Variants in ADAMTS17 observed in about 807,000 individuals in gnomAD.
The protein encoded by ADAMTS17 is A disintegrin and metalloproteinase with thrombospondin motifs 17.
A neutral mutation model predicts 141.5 loss-of-function variants in ADAMTS17; 113 were observed. The ratio of observed to expected loss-of-function variants is 0.80; its 90% CI spans 0.69 to 0.93. ADAMTS17 has a LOEUF of 0.93. Ranked by LOEUF, ADAMTS17 falls within the 40% of genes least tolerant of loss-of-function variation. The probability of loss-of-function intolerance (pLI) is 0.00; values close to 1 mark genes in which losing one functional copy is unlikely to be tolerated. For missense variants in ADAMTS17, 1,659 were observed against 1,517.9 expected (o/e 1.09, Z -1.54); for synonymous variants, 768 against 630.6 (o/e 1.22, Z -3.27).
chr15:100,241,426 T>C (rs911271391), intron 7 of ADAMTS17, among the ~76,000 whole-genome samples: 4 of 152,212 alleles, frequency 2.6e-5, no homozygotes, highest in African/African-American at 7.2e-5. Flanking sequence ...GGGCAGGATC[T>C]TGTAGAAACA....
At chr15:100,271,742 C>T (rs1409257282) in intron 4 of ADAMTS17, among the ~76,000 whole-genome samples, 3 of 152,090 alleles carry the variant, frequency 2.0e-5, no homozygotes, top group South Asian at 2.1e-4. Context: ...TTGATGAATT[C>T]CAATTTGTCT....
chr15:100,216,263 C>A (rs1476373619), intron 7 of ADAMTS17, among the ~76,000 whole-genome samples: 1 of 152,220 alleles, frequency 6.6e-6, no homozygotes. Flanking sequence ...ATTAGTTTGA[C>A]CAAGTCCAAA....
chr15:100,292,196 AATCACGAGACACGCTCACCCCG>A (rs2044655597), intron 3 of ADAMTS17, among the ~76,000 whole-genome samples: 1 of 149,152 alleles, frequency 6.7e-6, no homozygotes, highest in Admixed American at 6.6e-5. Flanking sequence ...CCCCGTGGGG[AATCACGAGACACGCTCACCCCG>A]TGGGGAATCA....
intron 8 of ADAMTS17, among the ~76,000 whole-genome samples, chr15:100,190,623 G>A (rs1480942187): frequency 6.6e-6 from 1 of 152,208 alleles, no homozygotes. Context: ...GGGCAGGTCT[G>A]GAGAAGTCAG....
intron 8 of ADAMTS17, among the ~76,000 whole-genome samples, chr15:100,189,305 G>A (rs543434857): frequency 3.3e-5 from 5 of 152,348 alleles, no homozygotes; most frequent in African/African-American, 7.2e-5. Flanking sequence ...ACTGGGGGAC[G>A]GTATATGGAG....
intron 3 of ADAMTS17, among the ~76,000 whole-genome samples, chr15:100,289,715 G>A (rs1437019405): frequency 6.6e-6 from 1 of 152,144 alleles, no homozygotes; most frequent in Admixed American, 6.5e-5. Flanking sequence ...TTCAACATAT[G>A]CAAATCAATA....
At chr15:100,049,060 G>A (rs770374284) in intron 17 of ADAMTS17, 68 bp from the exon 18 acceptor site, 342 of 1,611,474 alleles carry the variant, frequency 2.1e-4, no homozygotes, top group Non-Finnish European at 2.7e-4. Context: ...GGGCTTGCAT[G>A]CCCATGAAAG....
chr15:100,233,268 T>G (rs975761306), intron 7 of ADAMTS17, among the ~76,000 whole-genome samples: 1 of 151,306 alleles, frequency 6.6e-6, no homozygotes, highest in Admixed American at 6.6e-5. Context: ...AGGCAGAGGT[T>G]GCAGTGAGCC....
At chr15:100,197,219 T>C (rs1596249958) in intron 8 of ADAMTS17, among the ~76,000 whole-genome samples, 3 of 152,378 alleles carry the variant, frequency 2.0e-5, no homozygotes, top group East Asian at 1.9e-4. Flanking sequence ...CACACGTATG[T>C]GCAAATGGCA....
intron 8 of ADAMTS17, among the ~76,000 whole-genome samples, chr15:100,167,380 ACT>A (rs1210547616): frequency 6.6e-6 from 1 of 152,172 alleles, no homozygotes; most frequent in Non-Finnish European, 1.5e-5. Context: ...GTTATCACGT[ACT>A]GACTCTTCAC....
chr15:100,199,962 G>A (rs2041261722), intron 7 of ADAMTS17, among the ~76,000 whole-genome samples: 1 of 152,364 alleles, frequency 6.6e-6, no homozygotes, highest in Admixed American at 6.5e-5. Context: ...GGTCTGTGCT[G>A]GGTCTCGTGG....
chr15:100,023,782 G>T (rs2061449017), intron 18 of ADAMTS17, among the ~76,000 whole-genome samples: 3 of 152,182 alleles, frequency 2.0e-5, no homozygotes, highest in Admixed American at 2.0e-4. Context: ...CAAGTGACCT[G>T]GAGCTTACAA....
At chr15:100,316,624 C>G (rs764041342) in intron 3 of ADAMTS17, among the ~76,000 whole-genome samples, 2 of 152,204 alleles carry the variant, frequency 1.3e-5, no homozygotes, top group Non-Finnish European at 2.9e-5. Flanking sequence ...AGTCCTCATC[C>G]CAGGCTTGGC....
intron 4 of ADAMTS17, among the ~76,000 whole-genome samples, chr15:100,276,488 G>T (rs187224644): frequency 1.0e-5 from 1 of 98,442 alleles, no homozygotes; most frequent in African/African-American, 4.0e-5. Flanking sequence ...TGCCTGGTGG[G>T]AGGGTGGGAG....
At chr15:100,031,459 A>G (rs1419629052) in intron 18 of ADAMTS17, among the ~76,000 whole-genome samples, 1 of 152,212 alleles carries the variant, frequency 6.6e-6, no homozygotes, top group Non-Finnish European at 1.5e-5. Flanking sequence ...GGCTATGGGT[A>G]GGACACAGCA....
chr15:100,049,799 C>T lies in ADAMTS17; in HGVS notation c.2456-807G>A, dbSNP rs1204448489. Reference sequence around the variant, plus strand: ...TGGCCATAGTGTCAACAGTTGGCCACCATACTTCTGTGTCTCAGTTTCCTC... The same window carrying T: ...TGGCCATAGTGTCAACAGTTGGCCATCATACTTCTGTGTCTCAGTTTCCTC... On this transcript the variant is annotated intron_variant, in intron 17 of 21. Transcript: ENST00000268070. Among the ~76,000 whole-genome samples the T allele has an allele frequency of 2.0e-5, 3 of 152,164 alleles. No homozygotes were observed. In the East Asian group the frequency reaches 5.8e-4, roughly 29 times the overall value.
At chr15:100,316,361 A>C (rs2045565647) in intron 3 of ADAMTS17, among the ~76,000 whole-genome samples, 1 of 152,266 alleles carries the variant, frequency 6.6e-6, no homozygotes, top group East Asian at 1.9e-4. Flanking sequence ...AGCATCTCAG[A>C]AATTTGGGAG....
intron 3 of ADAMTS17, among the ~76,000 whole-genome samples, chr15:100,309,069 A>T (rs2045320406): frequency 6.6e-6 from 1 of 152,220 alleles, no homozygotes; most frequent in South Asian, 2.1e-4. Flanking sequence ...ATGCCCACAG[A>T]ATGGCCATGT....
At chr15:100,129,743 C>CA (rs34727892) in intron 12 of ADAMTS17, 51,216 of 144,546 alleles carry the variant, frequency 0.35, 8,927 homozygotes, top group East Asian at 0.48. Flanking sequence ...AACTCCGTCT[C>CA]AAAAAAAAAA....
Sources: allele counts gnomAD v4.1 joint callset (sites outside exome capture counted in the v4.1 genomes callset), GRCh38; gene constraint gnomAD v4.1.1; transcripts MANE v1.5; gene names NCBI Gene and HGNC (gene_info 2026-07-23, HGNC 2026-07-21).